NUP58: variants seen among roughly 807,000 people sequenced by gnomAD.
NUP58 encodes the protein nucleoporin 58.
In NUP58, 17 loss-of-function variants were observed where a neutral mutation model predicts 70.1. The ratio of observed to expected loss-of-function variants is 0.24; its 90% CI spans 0.17 to 0.36. NUP58 has a LOEUF of 0.36. Among genes scored for constraint, NUP58 ranks in the 10% least tolerant of loss-of-function variants. The pLI is 1.00. For missense variants in NUP58, 644 were observed against 701.5 expected (o/e 0.92, Z 0.93); for synonymous variants, 275 against 257.6 (o/e 1.07, Z -0.65).
intron 6 of NUP58, among the ~76,000 whole-genome samples, chr13:25,318,378 C>CTGGT (rs1297726546): frequency 1.3e-5 from 2 of 152,082 alleles, no homozygotes; most frequent in African/African-American, 4.8e-5. Flanking sequence ...GTTGCCCAGG[C>CTGGT]TGGTCTCCAA....
intron 2 of NUP58, 24 bp downstream of exon 2, chr13:25,307,972 T>G (rs1002541810): frequency 1.9e-6 from 3 of 1,611,778 alleles, no homozygotes; most frequent in Non-Finnish European, 2.5e-6. Context: ...GATCACATTG[T>G]CAGAGAGTAG....
intron 1 of NUP58, among the ~76,000 whole-genome samples, chr13:25,302,549 G>C (rs1017710191): frequency 1.3e-5 from 2 of 152,092 alleles, no homozygotes; most frequent in African/African-American, 2.4e-5. Context: ...CCTTGTTTTT[G>C]TGCAACCCAT....
chr13:25,320,823 A>G, intron 8 of NUP58, 96 bp from the exon 9 acceptor site: 1 of 873,508 alleles, frequency 1.1e-6, no homozygotes, highest in African/African-American at 1.7e-5. Flanking sequence ...TTAGTTTTGT[A>G]TTTTAAAACA....
Position 25,312,909 on chromosome 13 carries a change from A to G in NUP58, c.313A>G (p.Thr105Ala), listed in dbSNP as rs951539659. The G allele has an allele frequency of 6.2e-7, 1 of 1,613,368 alleles. No individual in the cohort carries two copies. The highest frequency in any genetic ancestry group is 8.5e-7 in the Non-Finnish European group (1 of 1,179,622). ...AACGCCAGCCACTACATCTGCAGCT[A>G]CAACAGGCTTCAGTTTAGGATTCAA... is the stretch of plus-strand genomic sequence containing the variant. Reference protein sequence around the residue: ...LGTPATTSAATTGFSLGFNKP... With the variant: ...LGTPATTSAAATGFSLGFNKP... Residue 105 changes from threonine to alanine, a missense_variant, in exon 4 of 16, where the codon ACA (threonine) becomes GCA (alanine). By Grantham distance (58) the Thr-to-Ala change is moderately conservative. Coordinates refer to ENST00000381736, the MANE Select transcript of NUP58 (RefSeq NM_014089.4).
chr13:25,347,818 G>A (rs747659386), intron 3 of NUP58, among the ~76,000 whole-genome samples: 1 of 152,088 alleles, frequency 6.6e-6, no homozygotes, highest in Non-Finnish European at 1.5e-5. Flanking sequence ...GCCAAACAAG[G>A]ATCGATCTAA....
intron 6 of NUP58, among the ~76,000 whole-genome samples, chr13:25,318,123 A>G (rs1056519252): frequency 4.0e-5 from 6 of 151,892 alleles, no homozygotes; most frequent in African/African-American, 1.5e-4. Flanking sequence ...AGGTCAGGAG[A>G]TCAAGACCAG....
chr13:25,324,370 GA>G (rs571134133), intron 9 of NUP58, among the ~76,000 whole-genome samples: 117 of 152,222 alleles, frequency 7.7e-4, no homozygotes, highest in African/African-American at 2.8e-3. Context: ...TACTAATCTT[GA>G]AAAAACATTG....
At chr13:25,339,851 C>T in intron 15 of NUP58, 114 bp from the exon 16 acceptor site, 1 of 887,306 alleles carries the variant, frequency 1.1e-6, no homozygotes, top group Non-Finnish European at 1.7e-6. Flanking sequence ...AATATATTTG[C>T]TATTCTTACA....
intron 1 of NUP58, among the ~76,000 whole-genome samples, chr13:25,304,484 A>ATATATT (rs2030197525): frequency 2.4e-5 from 1 of 42,446 alleles, no homozygotes; most frequent in Non-Finnish European, 4.7e-5. Context: ...AAGATTATAT[A>ATATATT]TATATATATA....
At chr13:25,317,152 G>C (rs979764118) in intron 6 of NUP58, among the ~76,000 whole-genome samples, 4 of 152,168 alleles carry the variant, frequency 2.6e-5, no homozygotes, top group Non-Finnish European at 5.9e-5. Context: ...ATTCAGTGAA[G>C]AGGGGACAGC....
In NUP58 at chr13:25,301,664, C is replaced by T. The variant is rs1489633190; in HGVS notation, c.-110C>T. ...CGCCGTTGGGGCTGGAAGTTCCCGC[C>T]AGGTCCGTGCCGGGCGAGAGAGATG... is the stretch of plus-strand genomic sequence containing the variant. On this transcript the variant is annotated 5_prime_UTR_variant, in exon 1 of 16. Coordinates refer to ENST00000381736, the MANE Select transcript of NUP58 (RefSeq NM_014089.4). The T allele has an allele frequency of 5.4e-6, 3 of 550,708 alleles. No homozygotes were observed. Among genetic ancestry groups the T allele is most frequent in the South Asian group, 3.2e-5 (1 of 30,852 alleles). The allele number at this position is 550,708 out of a possible 1,614,324, so 34.1% of individuals were successfully genotyped here.
At position 25,341,667 on chromosome 13, in the gene NUP58, A is replaced by AC. The variant is rs1311692649; in HGVS notation, c.*1534dup. On this transcript the variant is annotated 3_prime_UTR_variant, in exon 16 of 16. Transcript: ENST00000381736. ...ATATTTGACTACATTAGTATTAGTG[A>AC]CATCAGGTGGATATAAAAGAAAACC... 2.6e-5 allele frequency: 4 copies of AC among 152,690 alleles called. No individual in the cohort carries two copies. The highest frequency in any genetic ancestry group is 4.4e-5 in the Non-Finnish European group (3 of 68,036). 9.5% of individuals were successfully genotyped at this position (152,690 alleles called of 1,614,324 possible).
chr13:25,330,434 C>T (rs1173457216), intron 12 of NUP58, among the ~76,000 whole-genome samples: 1 of 152,100 alleles, frequency 6.6e-6, no homozygotes, highest in South Asian at 2.1e-4. Context: ...CTTTTAAATA[C>T]TATAAACAAC....
At chr13:25,310,236 T>TTTTTTTG (rs1491454270) in intron 3 of NUP58, among the ~76,000 whole-genome samples, 3 of 72,442 alleles carry the variant, frequency 4.1e-5, no homozygotes, top group African/African-American at 1.3e-4. Context: ...TTTTTTTTTT[T>TTTTTTTG]AGAGACGGAA....
chr13:25,344,093 T>C (rs2032020343), downstream of NUP58, among the ~76,000 whole-genome samples: 1 of 152,130 alleles, frequency 6.6e-6, no homozygotes, highest in South Asian at 2.1e-4. Flanking sequence ...ATTATAAGTC[T>C]TTGTGAGGTC....
chr13:25,310,027 T>C (rs1477442665), intron 3 of NUP58: 1 of 400,080 alleles, frequency 2.5e-6, no homozygotes, highest in Admixed American at 3.0e-5. Flanking sequence ...CAAGTGAATC[T>C]TCTTGTTTTC....
chr13:25,321,764 A>G (rs1022257346), intron 9 of NUP58, among the ~76,000 whole-genome samples: 30 of 152,218 alleles, frequency 2.0e-4, no homozygotes, highest in African/African-American at 7.0e-4. Flanking sequence ...TAAAAATACA[A>G]TAATTAGCCA....
rs2031940520 is a variant in NUP58 at position 25,341,053 on chromosome 13, T to C, written c.*919T>C. ...CCTCAGTGCTTGTAGAATGATGAGC[T>C]TAGAGGTACCAGGTCATTGCAGTTG... On this transcript the variant is annotated 3_prime_UTR_variant, in exon 16 of 16. Transcript: ENST00000381736. The C allele has an allele frequency of 6.6e-6, 1 of 152,200 alleles. No individual in the cohort carries two copies. Among genetic ancestry groups the C allele is most frequent in the Non-Finnish European group, 1.5e-5 (1 of 68,036 alleles). The allele number at this position is 152,200 out of a possible 1,614,324, so 9.4% of individuals were successfully genotyped here. A position where few individuals can be genotyped will look rare whatever the true frequency, so the allele number is the denominator to read the frequency against.
At chr13:25,308,174 A>G in intron 2 of NUP58, 1 of 393,552 alleles carries the variant, frequency 2.5e-6, no homozygotes, top group Non-Finnish European at 4.4e-6. Context: ...ACAAATATTA[A>G]TTTAAATTTT....
Sources: allele counts gnomAD v4.1 joint callset (sites outside exome capture counted in the v4.1 genomes callset), GRCh38; gene constraint gnomAD v4.1.1; transcripts MANE v1.5; gene names NCBI Gene and HGNC (gene_info 2026-07-23, HGNC 2026-07-21).